The following OR7E24 variants were observed in gnomAD, a reference collection of about 807,000 sequenced individuals.
OR7E24 encodes the protein olfactory receptor 7E24.
For synonymous variants in OR7E24, 130 were observed against 157.5 expected (o/e 0.83, Z 1.31); for missense variants, 385 against 410.3 (o/e 0.94, Z 0.53).
the OR7E24 span, among the ~76,000 whole-genome samples, chr19:9,237,107 T>C: frequency 1.3e-5 from 2 of 152,240 alleles, no homozygotes; most frequent in African/African-American, 4.8e-5. Flanking sequence ...GGGATCTAGA[T>C]TCACAGGCTG....
At position 9,251,182 on chromosome 19, in the gene OR7E24, G is replaced by A. The variant is rs367555626; in HGVS notation, c.139G>A (p.Gly47Arg). Residue 47 changes from glycine (G) to arginine (R), a missense_variant, in exon 1 of 1, where the codon GGG becomes AGG. By Grantham distance (125) the Gly-to-Arg change is moderately radical (BLOSUM62 -2). Transcript: ENST00000456448. ...EDPELQPVLA[G>R]LFLSMYLVTV... Reference sequence around the variant, plus strand: ...TCCAGAACTGCAGCCGGTCCTCGCTGGGCTGTTCCTGTCCATGTACCTGGT... The same window carrying A: ...TCCAGAACTGCAGCCGGTCCTCGCTAGGCTGTTCCTGTCCATGTACCTGGT... 1 of 1,613,930 alleles carries A rather than the reference G, an allele frequency of 6.2e-7. No homozygotes were observed. The highest frequency in any genetic ancestry group is 1.1e-5 in the South Asian group (1 of 91,068).
At chr19:9,214,647 G>C in the OR7E24 span, 1 of 1,614,170 alleles carries the variant, frequency 6.2e-7, no homozygotes, top group Non-Finnish European at 8.5e-7. Context: ...GGACAGGTTG[G>C]AGAGGAAGAA....
chr19:9,219,629 C>T, the OR7E24 span: 5 of 152,180 alleles, frequency 3.3e-5, no homozygotes, highest in African/African-American at 1.2e-4. Context: ...CAGAGAATTA[C>T]AGGTGAGGTT....
the OR7E24 span, among the ~76,000 whole-genome samples, chr19:9,216,221 C>T: frequency 0.14 from 20,556 of 152,178 alleles, 2,135 homozygotes; most frequent in African/African-American, 0.27. Flanking sequence ...TCATGAACTC[C>T]TGCCTCTGTG....
chr19:9,238,029 C>T, the OR7E24 span, among the ~76,000 whole-genome samples: 20 of 152,142 alleles, frequency 1.3e-4, no homozygotes, highest in Non-Finnish European at 2.6e-4. Flanking sequence ...GTAATCCCAG[C>T]ACTTTGGGAG....
the OR7E24 span, among the ~76,000 whole-genome samples, chr19:9,234,523 T>C: frequency 3.3e-5 from 5 of 152,332 alleles, no homozygotes; most frequent in South Asian, 8.3e-4. Context: ...GTAGCATTAC[T>C]ATAGTTAACA....
the OR7E24 span, chr19:9,236,020 A>G: frequency 6.2e-7 from 1 of 1,610,584 alleles, no homozygotes; most frequent in Non-Finnish European, 8.5e-7. Flanking sequence ...CTACAGCCTG[A>G]GGAACAAGGA....
chr19:9,237,255 G>T, the OR7E24 span, among the ~76,000 whole-genome samples: 1 of 150,738 alleles, frequency 6.6e-6, no homozygotes, highest in South Asian at 2.1e-4. Flanking sequence ...CTTTATCTTA[G>T]TCTCTCCCTC....
At chr19:9,228,843 A>G in the OR7E24 span, among the ~76,000 whole-genome samples, 2 of 152,242 alleles carry the variant, frequency 1.3e-5, no homozygotes, top group Admixed American at 1.3e-4. Flanking sequence ...GTCCTATACA[A>G]TACAGTGCTT....
upstream of OR7E24, among the ~76,000 whole-genome samples, chr19:9,248,838 A>T (rs1004095340): frequency 6.6e-6 from 1 of 152,212 alleles, no homozygotes; most frequent in Admixed American, 6.5e-5. Flanking sequence ...CATTGCTTAA[A>T]ACTTTCTGAG....
chr19:9,220,351 C>A, the OR7E24 span, among the ~76,000 whole-genome samples: 4 of 152,172 alleles, frequency 2.6e-5, no homozygotes, highest in African/African-American at 9.7e-5. Context: ...AACACTACTC[C>A]TCAACCCCAA....
the OR7E24 span, among the ~76,000 whole-genome samples, chr19:9,240,918 A>G: frequency 1.3e-5 from 2 of 151,994 alleles, no homozygotes; most frequent in African/African-American, 4.8e-5. Context: ...CCCGGGTTCA[A>G]GTGATTCTCC....
upstream of OR7E24, among the ~76,000 whole-genome samples, chr19:9,247,884 C>T (rs1328203688): frequency 1.3e-5 from 2 of 152,138 alleles, no homozygotes; most frequent in East Asian, 3.9e-4. Flanking sequence ...ACTTTGTATG[C>T]TCATTGGCTG....
chr19:9,232,583 C>T, the OR7E24 span, among the ~76,000 whole-genome samples: 5 of 145,950 alleles, frequency 3.4e-5, no homozygotes, highest in Non-Finnish European at 6.0e-5. Flanking sequence ...ACTTTGTAAA[C>T]GGCACACCTG....
chr19:9,242,404 A>G (rs1405533482), upstream of OR7E24, among the ~76,000 whole-genome samples: 1 of 152,008 alleles, frequency 6.6e-6, no homozygotes, highest in East Asian at 1.9e-4. Flanking sequence ...GCACCACCAC[A>G]CCTGGCTAAT....
chr19:9,208,551 C>A, the OR7E24 span: 1 of 152,150 alleles, frequency 6.6e-6, no homozygotes, highest in African/African-American at 2.4e-5. Context: ...TCACCAGTTT[C>A]ATCATAAATA....
upstream of OR7E24, among the ~76,000 whole-genome samples, chr19:9,244,134 T>C (rs909383695): frequency 6.6e-6 from 1 of 152,232 alleles, no homozygotes. Flanking sequence ...AAGGCTCCAA[T>C]GAGACAGTGT....
chr19:9,232,150 C>G, the OR7E24 span, among the ~76,000 whole-genome samples: 1 of 152,106 alleles, frequency 6.6e-6, no homozygotes, highest in African/African-American at 2.4e-5. Context: ...CGGGTGAATG[C>G]TGGCAGCTGT....
the OR7E24 span, among the ~76,000 whole-genome samples, chr19:9,230,753 G>A: frequency 1.3e-5 from 2 of 152,142 alleles, no homozygotes; most frequent in African/African-American, 2.4e-5. Context: ...ACAGTGCCAT[G>A]TAAAAAATAA....
Sources: gnomAD v4.1 joint callset for allele counts (sites outside exome capture counted in the v4.1 genomes callset) on GRCh38, gnomAD v4.1.1 for gene constraint, MANE v1.5 for transcripts, NCBI Gene and HGNC (gene_info 2026-07-23, HGNC 2026-07-21) for gene names.